LINGO2: variants seen among roughly 807,000 people sequenced by gnomAD.
LINGO2 encodes the protein leucine rich repeat and Ig domain containing 2.
Under a neutral mutation model 30.6 loss-of-function variants are expected in LINGO2, and 14 were observed. That is an observed-to-expected ratio of 0.46 (90% CI 0.30 to 0.72). LINGO2 has a LOEUF of 0.72. Among genes scored for constraint, LINGO2 ranks in the 30% least tolerant of loss-of-function variants. The pLI, the probability that LINGO2 is intolerant of heterozygous loss-of-function variation, is 0.07. For synonymous variants in LINGO2, 317 were observed against 288.5 expected (o/e 1.10, Z -1.00); for missense variants, 729 against 751.7 (o/e 0.97, Z 0.35).
chr9:28,198,084 T>C (rs1820079004), intron 4 of LINGO2, among the ~76,000 whole-genome samples: 1 of 151,948 alleles, frequency 6.6e-6, no homozygotes, highest in African/African-American at 2.4e-5. Flanking sequence ...CATTCACTTT[T>C]TTTTTTTACT....
At chr9:28,713,581 C>A in the LINGO2 span, among the ~76,000 whole-genome samples, 2 of 152,100 alleles carry the variant, frequency 1.3e-5, no homozygotes, top group Non-Finnish European at 2.9e-5. Context: ...GCATTTCTAA[C>A]AGGGCTTTTT....
chr9:28,016,084 G>A (rs745606551), intron 4 of LINGO2, among the ~76,000 whole-genome samples: 14 of 151,620 alleles, frequency 9.2e-5, no homozygotes, highest in Middle Eastern at 3.5e-3. Context: ...TGGAGAAGTG[G>A]CATTTGATCC....
intron 4 of LINGO2, among the ~76,000 whole-genome samples, chr9:28,198,080 CTT>C (rs201741847): frequency 0.086 from 12,543 of 145,456 alleles, 688 homozygotes; most frequent in East Asian, 0.21. Flanking sequence ...ATTACATTCA[CTT>C]TTTTTTTTTA....
intron 3 of LINGO2, among the ~76,000 whole-genome samples, chr9:28,334,400 G>C (rs1330166236): frequency 1.3e-5 from 2 of 152,014 alleles, no homozygotes; most frequent in Non-Finnish European, 2.9e-5. Flanking sequence ...CCTAGTTAAT[G>C]AATTCCACTA....
the LINGO2 span, among the ~76,000 whole-genome samples, chr9:28,971,282 G>C: frequency 6.6e-6 from 1 of 152,176 alleles, no homozygotes; most frequent in Non-Finnish European, 1.5e-5. Flanking sequence ...AGACTTGCTG[G>C]CTTCAGGTAT....
At chr9:28,062,662 ATATACAAAATCAAATATATATATTTTG>A (rs1825190266) in intron 4 of LINGO2, among the ~76,000 whole-genome samples, 1 of 147,904 alleles carries the variant, frequency 6.8e-6, no homozygotes, top group South Asian at 2.2e-4. Flanking sequence ...TATTTTGTAT[ATATACAAAATCAAATATATATATTTTG>A]TATATATATA....
At chr9:28,585,866 A>G (rs1257113836) in intron 1 of LINGO2, among the ~76,000 whole-genome samples, 1 of 151,966 alleles carries the variant, frequency 6.6e-6, no homozygotes, top group Non-Finnish European at 1.5e-5. Flanking sequence ...CACCTGATTT[A>G]ATATGTTTGG....
In LINGO2 at chr9:28,394,006, T is replaced by C. The variant is rs1821943613; in HGVS notation, c.-278-21138A>G. ...ATAACTTGTACTAACCTCTTTTTTT[T>C]TTCCCTTGTCTCATTCCCCTATCAG... On this transcript the variant is annotated intron_variant, in intron 2 of 5. Coordinates refer to ENST00000379992, the Ensembl canonical transcript of LINGO2. Among the ~76,000 whole-genome samples the C allele has an allele frequency of 3.3e-5, 5 of 152,182 alleles. 1 individual carries two copies. The South Asian group carries it at 1.0e-3, about 31-fold the overall frequency.
At chr9:28,953,955 T>C in the LINGO2 span, among the ~76,000 whole-genome samples, 1 of 152,128 alleles carries the variant, frequency 6.6e-6, no homozygotes, top group East Asian at 1.9e-4. Context: ...AAATTAGGCA[T>C]AATCAAATTA....
the LINGO2 span, chr9:27,942,334 A>G: frequency 3.3e-5 from 5 of 152,016 alleles, no homozygotes; most frequent in Admixed American, 3.3e-4. Flanking sequence ...ACTTCTCTCA[A>G]TAAGAAAATA....
chr9:28,505,203 A>C (rs1323768732), intron 1 of LINGO2, among the ~76,000 whole-genome samples: 3 of 151,946 alleles, frequency 2.0e-5, no homozygotes, highest in African/African-American at 7.2e-5. Context: ...ATTACTAGAA[A>C]TTCAGTCTAG....
intron 4 of LINGO2, among the ~76,000 whole-genome samples, chr9:28,255,988 G>A (rs938936274): frequency 6.6e-6 from 1 of 151,998 alleles, no homozygotes; most frequent in African/African-American, 2.4e-5. Context: ...TGCAGAAATT[G>A]TTTGCAAAAC....
At chr9:28,954,376 T>A in the LINGO2 span, among the ~76,000 whole-genome samples, 12 of 152,180 alleles carry the variant, frequency 7.9e-5, no homozygotes, top group African/African-American at 2.2e-4. Context: ...TCACATTTCA[T>A]CACAAAGGAT....
In LINGO2 at chr9:28,043,983, T is replaced by C. The variant is rs554008859; in HGVS notation, c.-86-31578A>G. On this transcript the variant is annotated intron_variant, in intron 4 of 5. Transcript: ENST00000379992. ...GTATATGTTAGTACTATTTTTAATC[T>C]ATGTGTTTTCCCCATTTGGTTTGGA... is the stretch of plus-strand genomic sequence containing the variant. Among the ~76,000 whole-genome samples the C allele has an allele frequency of 1.1e-4, 16 of 152,338 alleles. No homozygotes were observed. The East Asian group carries it at 1.7e-3, about 17-fold the overall frequency.
chr9:28,866,675 T>C, the LINGO2 span, among the ~76,000 whole-genome samples: 1 of 152,148 alleles, frequency 6.6e-6, no homozygotes, highest in Non-Finnish European at 1.5e-5. Context: ...ATTTTTGCTT[T>C]TGCCAAAAAA....
intron 3 of LINGO2, among the ~76,000 whole-genome samples, chr9:28,359,540 A>G (rs1285085530): frequency 6.6e-6 from 1 of 152,194 alleles, no homozygotes; most frequent in African/African-American, 2.4e-5. Context: ...AATCCAAAAT[A>G]TATTTTTAGC....
At chr9:28,026,145 TTC>T (rs1056343849) in intron 4 of LINGO2, among the ~76,000 whole-genome samples, 1 of 152,206 alleles carries the variant, frequency 6.6e-6, no homozygotes, top group African/African-American at 2.4e-5. Context: ...TAAATAATAC[TTC>T]TCCCAGGAAC....
At chr9:27,965,918 A>T (rs965140513) in intron 5 of LINGO2, among the ~76,000 whole-genome samples, 1 of 152,142 alleles carries the variant, frequency 6.6e-6, no homozygotes, top group Admixed American at 6.6e-5. Context: ...GGCTAAAAGC[A>T]CATATGCGCA....
downstream of LINGO2, among the ~76,000 whole-genome samples, chr9:27,947,225 T>C (rs1396035226): frequency 1.3e-5 from 2 of 152,178 alleles, no homozygotes; most frequent in African/African-American, 4.8e-5. Context: ...GCTTTGAAAG[T>C]CATTCACTGA....
Sources: gnomAD v4.1 joint callset for allele counts (sites outside exome capture counted in the v4.1 genomes callset) on GRCh38, gnomAD v4.1.1 for gene constraint, MANE v1.5 for transcripts, NCBI Gene and HGNC (gene_info 2026-07-23, HGNC 2026-07-21) for gene names.